Variants in SBF1 observed in about 807,000 individuals in gnomAD.
SBF1 encodes myotubularin-related protein 5.
SBF1 carries 65 observed loss-of-function variants against 215.8 expected under a neutral mutation model. The ratio of observed to expected loss-of-function variants is 0.30; its 90% CI spans 0.25 to 0.37. The LOEUF (loss-of-function observed/expected upper bound fraction) is 0.37. Ranked by LOEUF, SBF1 falls within the 10% of genes least tolerant of loss-of-function variation. The probability of loss-of-function intolerance (pLI) is 1.00; values close to 1 mark genes in which losing one functional copy is unlikely to be tolerated. For synonymous variants in SBF1, 1,410 were observed against 1,122.8 expected (o/e 1.26, Z -5.11); for missense variants, 2,634 against 2,667.8 (o/e 0.99, Z 0.28).
Position 50,459,313 on chromosome 22 carries a change from G to T in SBF1, c.3768C>A (p.Ala1256=), listed in dbSNP as rs376722187. Residue 1256 remains alanine, a synonymous_variant, in exon 28 of 41, where the codon GCC becomes GCA. Coordinates refer to ENST00000380817, the MANE Select transcript of SBF1 (RefSeq NM_002972.4). ...TAAGCGTGTTGCGTCCCGACGCGTCGGCGTAGCGGGGCATGGAGCTGACCA... is the reference window on the plus strand; with the variant it reads ...TAAGCGTGTTGCGTCCCGACGCGTCTGCGTAGCGGGGCATGGAGCTGACCA... ...QAVVSSMPRY[A]DASGRNTLSG... The T allele has an allele frequency of 6.2e-7, 1 of 1,612,314 alleles. No individual in the cohort carries two copies. Among genetic ancestry groups the T allele is most frequent in the East Asian group, 2.2e-5 (1 of 44,834 alleles).
Position 50,454,565 on chromosome 22 carries a change from A to G in SBF1, c.4990T>C (p.Cys1664Arg), listed in dbSNP as rs1255527198. Residue 1664 changes from cysteine (C) to arginine (R), a missense_variant, in exon 36 of 41, where the codon TGT (cysteine) becomes CGT (arginine). By Grantham distance (180) the Cys-to-Arg change is radical. Coordinates refer to ENST00000380817, the MANE Select transcript of SBF1 (RefSeq NM_002972.4). The stretch of plus-strand genomic sequence containing the variant: ...TGGGCCCGCGGGCAGCTGTCGTAAC[A>G]GGGCCACACCACGCGGCGCCTGCTC... ...PQSRRRVVWP[C>R]YDSCPRAQPD... The G allele has an allele frequency of 6.2e-7, 1 of 1,611,850 alleles. No homozygotes were observed. The highest frequency in any genetic ancestry group is 2.2e-5 in the East Asian group (1 of 44,866).
At chr22:50,464,478 C>A in intron 14 of SBF1, 37 bp from the exon 15 acceptor site, 2 of 1,604,588 alleles carry the variant, frequency 1.2e-6, no homozygotes, top group Non-Finnish European at 8.5e-7. Flanking sequence ...GACCCCTGAC[C>A]CCACGCCCAT....
chr22:50,462,952 G>T lies in SBF1; in HGVS notation c.1900-14C>A, dbSNP rs749098829. ...AGAAGTGCAGTCCTGCAGGTAGAGC[G>T]AGAGACCGTCAGGACCTCTCCCCTC... On this transcript the variant is annotated splice_polypyrimidine_tract_variant and intron_variant, in intron 16 of 40. Coordinates refer to ENST00000380817, the MANE Select transcript of SBF1 (RefSeq NM_002972.4). 6.2e-7 allele frequency: 1 copy of T among 1,608,218 alleles called. No homozygotes were observed. Among genetic ancestry groups the T allele is most frequent in the Non-Finnish European group, 8.5e-7 (1 of 1,177,686 alleles).
rs1556430882 is a variant in SBF1, at chr22:50,464,836, C to T, written c.1414G>A (p.Glu472Lys). 1.9e-6 allele frequency: 3 copies of T among 1,613,678 alleles called. No individual in the cohort carries two copies. The highest frequency in any genetic ancestry group is 1.7e-6 in the Non-Finnish European group (2 of 1,180,024). Residue 472 changes from glutamate to lysine, a missense_variant, in exon 13 of 41, where the codon GAG becomes AAG. By Grantham distance (56) the Glu-to-Lys change is moderately conservative. Coordinates refer to ENST00000380817, the MANE Select transcript of SBF1 (RefSeq NM_002972.4). ...RVLRHVQELA[E>K]QLYKNENPYP... Reference sequence around the variant, plus strand: ...CCTCGTACGTTCTTGTAGAGCTGCTCTGCCAGTTCCTGGACGTGACGCAGG... The same window carrying T: ...CCTCGTACGTTCTTGTAGAGCTGCTTTGCCAGTTCCTGGACGTGACGCAGG...
intron 1 of SBF1, among the ~76,000 whole-genome samples, chr22:50,474,538 C>A (rs917122443): frequency 3.9e-5 from 6 of 152,166 alleles, no homozygotes; most frequent in African/African-American, 1.4e-4. Flanking sequence ...GCTGTCCGGT[C>A]GGCCCTGGCC....
Position 50,462,009 on chromosome 22 carries a change from T to C in SBF1, c.2507A>G (p.Lys836Arg). The change falls in exon 20 of 41, where the codon AAG (lysine) becomes AGG (arginine). Residue 836 changes from lysine (K) to arginine (R), a missense_variant. Physicochemically the swap from Lys to Arg is conservative, Grantham distance 26. Coordinates refer to ENST00000380817, the MANE Select transcript of SBF1 (RefSeq NM_002972.4). ...VVRFINRFVD[K>R]VCTESGVTSD... The stretch of plus-strand genomic sequence containing the variant: ...GGTGACCCCACTCTCCGTGCAGACC[T>C]TGTCCACAAAGCGGTTGATGAAGCG... 6.2e-7 allele frequency: 1 copy of C among 1,614,196 alleles called. No homozygotes were observed. Among genetic ancestry groups the C allele is most frequent in the Non-Finnish European group, 8.5e-7 (1 of 1,180,038 alleles).
intron 28 of SBF1, among the ~76,000 whole-genome samples, chr22:50,458,222 G>A (rs923523200): frequency 6.0e-5 from 9 of 150,990 alleles, no homozygotes; most frequent in Admixed American, 2.0e-4. Context: ...GGAGAATGGC[G>A]TGAACCTGGG....
chr22:50,447,462 G>A lies in SBF1; in HGVS notation c.5452-9C>T, dbSNP rs2066876002. The A allele has an allele frequency of 1.3e-6, 2 of 1,588,048 alleles. No homozygotes were observed. Among genetic ancestry groups the A allele is most frequent in the African/African-American group, 1.4e-5 (1 of 73,406 alleles). The stretch of plus-strand genomic sequence containing the variant: ...TGGTCGTAGTAGCGCAGCTGGAGGA[G>A]GCCACAGAGTCAGCGGAGCCCCCTC... On this transcript the variant is annotated splice_polypyrimidine_tract_variant and intron_variant, in intron 39 of 40. Coordinates refer to ENST00000380817, the MANE Select transcript of SBF1 (RefSeq NM_002972.4).
chr22:50,467,523 C>T lies in SBF1; in HGVS notation c.438+9G>A, dbSNP rs768053366. Reference sequence around the variant, plus strand: ...CGTCGTGCCTCGCCGCCCCGGCTGCCGGCCTCACCCTGAACACCTCCGTGT... The same window carrying T: ...CGTCGTGCCTCGCCGCCCCGGCTGCTGGCCTCACCCTGAACACCTCCGTGT... On this transcript the variant is annotated intron_variant, in intron 4 of 40. Coordinates refer to ENST00000380817, the MANE Select transcript of SBF1 (RefSeq NM_002972.4). 1.6e-5 allele frequency: 26 copies of T among 1,613,900 alleles called. No homozygotes were observed. The East Asian group carries it at 1.8e-4, about 11-fold the overall frequency.
In SBF1 at chr22:50,447,043, T is replaced by C; in HGVS notation, c.*99A>G. 3 of 1,088,712 alleles carry C rather than the reference T, an allele frequency of 2.8e-6. No individual in the cohort carries two copies. Among genetic ancestry groups the C allele is most frequent in the East Asian group, 2.6e-5 (1 of 38,578 alleles). The allele number at this position is 1,088,712 out of a possible 1,614,324, so 67.4% of individuals were successfully genotyped here. On this transcript the variant is annotated 3_prime_UTR_variant, in exon 41 of 41. Transcript: ENST00000380817. ...TGCTGGGGGCTCGGGGCCTCAATAC[T>C]GTCGAGGGCCGGGGCTGTAAACATG...
At chr22:50,470,438 T>C (rs56090676) in intron 1 of SBF1, among the ~76,000 whole-genome samples, 10,587 of 152,090 alleles carry the variant, frequency 0.07, 1,233 homozygotes, top group African/African-American at 0.24. Flanking sequence ...TGCAGGGCTC[T>C]ACCCTCCAAA....
intron 36 of SBF1, among the ~76,000 whole-genome samples, chr22:50,449,264 A>G (rs1433226498): frequency 6.6e-6 from 1 of 152,124 alleles, no homozygotes; most frequent in Non-Finnish European, 1.5e-5. Flanking sequence ...AAAATGGAGA[A>G]AAACATTAAA....
At chr22:50,455,450 C>T in intron 32 of SBF1, 31 bp downstream of exon 32, 4 of 1,612,348 alleles carry the variant, frequency 2.5e-6, no homozygotes, top group Non-Finnish European at 3.4e-6. Flanking sequence ...GCCCGGGAGC[C>T]TGGCCCACCC....
At position 50,461,166 on chromosome 22, in the gene SBF1, G is replaced by A. The variant is rs753474250; in HGVS notation, c.2960C>T (p.Thr987Ile). The A allele has an allele frequency of 1.2e-6, 2 of 1,604,458 alleles. No homozygotes were observed. Among genetic ancestry groups the A allele is most frequent in the South Asian group, 1.1e-5 (1 of 90,672 alleles). ...LQDGLQLRSC[T>I]FQLLKMAFDE... Reference sequence around the variant, plus strand: ...CCGCGCACCGCGCCCCACCTGGAATGTGCAGGAGCGCAGCTGGAGCCCGTC... The same window carrying A: ...CCGCGCACCGCGCCCCACCTGGAATATGCAGGAGCGCAGCTGGAGCCCGTC... The change falls in exon 23 of 41, where the codon ACA becomes ATA. Residue 987 changes from threonine to isoleucine, a missense_variant. By Grantham distance (89) the Thr-to-Ile change is moderately conservative. Coordinates refer to ENST00000380817, the MANE Select transcript of SBF1 (RefSeq NM_002972.4).
chr22:50,456,420 G>C (rs2076713), intron 30 of SBF1, 25 bp from the exon 31 acceptor site: 1 of 1,606,924 alleles, frequency 6.2e-7, no homozygotes, highest in African/African-American at 1.3e-5. Context: ...GACAAGTCCC[G>C]TGAGACACAT....
Position 50,454,559 on chromosome 22 carries a change from C to A in SBF1, c.4996G>T (p.Asp1666Tyr). ...TCAGGCTGGGCCCGCGGGCAGCTGT[C>A]GTAACAGGGCCACACCACGCGGCGC... ...SRRRVVWPCY[D>Y]SCPRAQPDAI... Residue 1666 changes from aspartate to tyrosine, a missense_variant, in exon 36 of 41, where the codon GAC becomes TAC. Transcript: ENST00000380817. 8 of 1,611,628 alleles carry A rather than the reference C, an allele frequency of 5.0e-6. No homozygotes were observed. Among genetic ancestry groups the A allele is most frequent in the Non-Finnish European group, 5.9e-6 (7 of 1,179,868 alleles).
At chr22:50,467,731 C>T (rs763899112) in intron 3 of SBF1, 41 bp from the exon 4 acceptor site, 1 of 1,609,290 alleles carries the variant, frequency 6.2e-7, no homozygotes, top group Non-Finnish European at 8.5e-7. Context: ...GGGGAGTTGG[C>T]CACGGCCCAA....
rs2067770148 is a variant in SBF1 at position 50,466,620 on chromosome 22, G to T, written c.640C>A (p.Leu214Ile). The T allele has an allele frequency of 1.3e-6, 2 of 1,552,362 alleles. No homozygotes were observed. Among genetic ancestry groups the T allele is most frequent in the Non-Finnish European group, 1.7e-6 (2 of 1,147,520 alleles). ...LPVSRCSVAL[L>I]FRQLGITNVL... Reference sequence around the variant, plus strand: ...ACAGGCTCACCTAGCTGGCGGAAGAGCAGGGCCACGCTGCAGCGGCTGACG... The same window carrying T: ...ACAGGCTCACCTAGCTGGCGGAAGATCAGGGCCACGCTGCAGCGGCTGACG... Residue 214 changes from leucine to isoleucine, a missense_variant, in exon 6 of 41, where the codon CTC becomes ATC. Physicochemically the swap from Leu to Ile is conservative, Grantham distance 5. Coordinates refer to ENST00000380817, the MANE Select transcript of SBF1 (RefSeq NM_002972.4).
At chr22:50,464,097 T>C (rs544836816) in intron 15 of SBF1, among the ~76,000 whole-genome samples, 11 of 152,286 alleles carry the variant, frequency 7.2e-5, no homozygotes, top group East Asian at 1.9e-4. Context: ...TTTCTAAAAA[T>C]GGAAGTACAT....
Sources: allele counts gnomAD v4.1 joint callset (sites outside exome capture counted in the v4.1 genomes callset), GRCh38; gene constraint gnomAD v4.1.1; transcripts MANE v1.5; gene names NCBI Gene and HGNC (gene_info 2026-07-23, HGNC 2026-07-21).